The following PIP4P2 variants were observed in gnomAD, a reference collection of about 807,000 sequenced individuals.
PIP4P2 encodes phosphatidylinositol-4,5-bisphosphate 4-phosphatase 2.
A neutral mutation model predicts 33.3 loss-of-function variants in PIP4P2; 19 were observed. That is an observed-to-expected ratio of 0.57 (90% CI 0.40 to 0.84). PIP4P2 has a LOEUF of 0.84. Among genes scored for constraint, PIP4P2 ranks in the 40% least tolerant of loss-of-function variants. PIP4P2 has a pLI of 0.00. For synonymous variants in PIP4P2, 110 were observed against 111.9 expected (o/e 0.98, Z 0.11); for missense variants, 270 against 324.7 (o/e 0.83, Z 1.29).
chr8:91,009,682 G>A (rs1012261685), intron 4 of PIP4P2, among the ~76,000 whole-genome samples: 5 of 151,644 alleles, frequency 3.3e-5, no homozygotes, highest in Non-Finnish European at 4.4e-5. Flanking sequence ...TTCTAGATAC[G>A]GGGGTTTCAA....
At chr8:91,011,019 GAGATAGAT>G (rs3084284) in intron 4 of PIP4P2, among the ~76,000 whole-genome samples, 45,741 of 145,150 alleles carry the variant, frequency 0.32, 8,865 homozygotes, top group Non-Finnish European at 0.43. Context: ...GTATCTTACT[GAGATAGAT>G]AGATAGATAG....
chr8:91,037,957 T>C (rs1812253821), intron 1 of PIP4P2, among the ~76,000 whole-genome samples: 1 of 152,200 alleles, frequency 6.6e-6, no homozygotes, highest in African/African-American at 2.4e-5. Context: ...CTCTTTAATT[T>C]TAATTTCTAT....
chr8:91,014,480 A>G (rs1406040838), intron 4 of PIP4P2, among the ~76,000 whole-genome samples: 1 of 152,170 alleles, frequency 6.6e-6, no homozygotes, highest in Non-Finnish European at 1.5e-5. Flanking sequence ...TGTTAAGTGA[A>G]ATAAGCCTGA....
At chr8:91,037,367 A>G (rs960433827) in intron 1 of PIP4P2, among the ~76,000 whole-genome samples, 2 of 152,202 alleles carry the variant, frequency 1.3e-5, no homozygotes, top group African/African-American at 4.8e-5. Flanking sequence ...TTCTTTGCCT[A>G]TAATGGTCTT....
At chr8:90,995,944 C>T in intron 6 of PIP4P2, 124 bp from the exon 7 acceptor site, 2 of 1,071,230 alleles carry the variant, frequency 1.9e-6, no homozygotes, top group South Asian at 3.6e-5. Context: ...ACACAAAGTC[C>T]TTATAAGAGT....
chr8:91,010,569 C>T (rs904926685), intron 4 of PIP4P2, among the ~76,000 whole-genome samples: 2 of 151,916 alleles, frequency 1.3e-5, no homozygotes, highest in Non-Finnish European at 2.9e-5. Context: ...CAACCTACCA[C>T]ATCTGGTTTT....
intron 1 of PIP4P2, among the ~76,000 whole-genome samples, chr8:91,022,488 C>T (rs1812024284): frequency 6.6e-6 from 1 of 152,162 alleles, no homozygotes; most frequent in Non-Finnish European, 1.5e-5. Context: ...GAATAGAAGA[C>T]TTTTCCAAGG....
chr8:91,004,643 T>C (rs1811744213), intron 5 of PIP4P2, among the ~76,000 whole-genome samples: 1 of 152,184 alleles, frequency 6.6e-6, no homozygotes, highest in African/African-American at 2.4e-5. Context: ...TAATTGTGCC[T>C]TATTCCAAAG....
chr8:91,015,407 A>T (rs1443918717), intron 4 of PIP4P2, among the ~76,000 whole-genome samples: 1 of 152,048 alleles, frequency 6.6e-6, no homozygotes, highest in Non-Finnish European at 1.5e-5. Flanking sequence ...ATACATAGAG[A>T]CTCCAATCAG....
chr8:91,040,578 A>C, intron 1 of PIP4P2, 66 bp downstream of exon 1: 2 of 1,576,090 alleles, frequency 1.3e-6, no homozygotes, highest in South Asian at 1.1e-5. Flanking sequence ...CCAGGTCTTT[A>C]TCCTTCTGGG....
At chr8:90,996,588 G>T in intron 6 of PIP4P2, 66 bp downstream of exon 6, 2 of 1,362,394 alleles carry the variant, frequency 1.5e-6, no homozygotes, top group Non-Finnish European at 2.0e-6. Flanking sequence ...GGTTGTCCCA[G>T]GCCTCATGAT....
In PIP4P2 at chr8:91,021,373, G is replaced by A; in HGVS notation, c.138C>T (p.Ala46=). ...CTGGAATACCACTGGCGTCTGGACT[G>A]GCAATGGCTGTATATGGAGGTGGGA... ...AELPPPYTAI[A]SPDASGIPVI... is the part of the protein sequence containing the mutation. Residue 46 remains alanine (A), a synonymous_variant, in exon 2 of 7, where the codon GCC becomes GCT. Transcript: ENST00000285419. 1.2e-6 allele frequency: 2 copies of A among 1,613,778 alleles called. No individual in the cohort carries two copies. Among genetic ancestry groups the A allele is most frequent in the Non-Finnish European group, 1.7e-6 (2 of 1,179,782 alleles).
chr8:91,016,576 A>C (rs777172167), intron 4 of PIP4P2: 8 of 152,228 alleles, frequency 5.3e-5, no homozygotes, highest in Non-Finnish European at 1.5e-5. Flanking sequence ...CAAATTATAA[A>C]GTGAATGTAA....
At chr8:91,029,795 C>G (rs182405936) in intron 1 of PIP4P2, among the ~76,000 whole-genome samples, 23 of 152,088 alleles carry the variant, frequency 1.5e-4, no homozygotes, top group Middle Eastern at 3.4e-3. Context: ...ACGGTGAAAT[C>G]CCATCTCTAA....
intron 3 of PIP4P2, 108 bp downstream of exon 3, chr8:91,020,049 T>C: frequency 9.1e-7 from 1 of 1,101,728 alleles, no homozygotes; most frequent in Non-Finnish European, 1.3e-6. Context: ...GGAATGACTT[T>C]GAAAACAAAA....
chr8:91,021,559 C>A (rs1196766972), intron 1 of PIP4P2, 155 bp from the exon 2 acceptor site: 4 of 777,406 alleles, frequency 5.1e-6, no homozygotes, highest in Non-Finnish European at 7.9e-6. Flanking sequence ...ACTTTTAGAG[C>A]ACAAACATCC....
chr8:91,016,460 A>G (rs948060231), intron 4 of PIP4P2: 20 of 152,206 alleles, frequency 1.3e-4, no homozygotes, highest in Admixed American at 1.2e-3. Context: ...TGTCATATCA[A>G]AAGGATCAGG....
chr8:90,995,905 T>C (rs1185759196), intron 6 of PIP4P2, 85 bp from the exon 7 acceptor site: 9 of 1,419,584 alleles, frequency 6.3e-6, no homozygotes, highest in Non-Finnish European at 8.4e-6. Flanking sequence ...TTACATGTGA[T>C]TGTTATGAAA....
intron 1 of PIP4P2, among the ~76,000 whole-genome samples, chr8:91,032,652 G>A (rs1302571233): frequency 2.6e-5 from 4 of 151,778 alleles, no homozygotes; most frequent in African/African-American, 7.3e-5. Flanking sequence ...GTGGTGGCAG[G>A]CACCTGCAGT....
Sources: allele counts gnomAD v4.1 joint callset (sites outside exome capture counted in the v4.1 genomes callset), GRCh38; gene constraint gnomAD v4.1.1; transcripts MANE v1.5; gene names NCBI Gene and HGNC (gene_info 2026-07-23, HGNC 2026-07-21).